Variants in NF1 observed in about 807,000 individuals in gnomAD.
The protein encoded by NF1 is neurofibromin 1, also known as neurofibromin.
NF1 carries 122 observed loss-of-function variants against 325.7 expected under a neutral mutation model. That is an observed-to-expected ratio of 0.37 (90% CI 0.32 to 0.44). The LOEUF (loss-of-function observed/expected upper bound fraction) is 0.44, where lower values mean the gene tolerates loss of function less well. Among genes scored for constraint, NF1 ranks in the 20% least tolerant of loss-of-function variants. The pLI is 1.00. For synonymous variants in NF1, 1,091 were observed against 1,186.0 expected, an observed-to-expected ratio of 0.92 and a Z score of 1.65; for missense variants, 2,140 against 3,415.4, an observed-to-expected ratio of 0.63 and a Z score of 9.31.
chr17:31,137,227 A>G (rs1431490200), intron 1 of NF1: 2 of 152,198 alleles, frequency 1.3e-5, no homozygotes, highest in Admixed American at 1.3e-4. Context: ...GTTGTTGTCT[A>G]ACAGTTCTAA....
chr17:31,156,601 T>A lies in NF1; in HGVS notation c.204+475T>A, dbSNP rs573147536. On this transcript the variant is annotated intron_variant, in intron 2 of 57. Coordinates refer to ENST00000358273, the MANE Select transcript of NF1 (RefSeq NM_001042492.3). ...GTGGATTGATTTTTTTATGAAGATA[T>A]GTGTTTTTTCTTCCTTCTGTAACCT... is the stretch of plus-strand genomic sequence containing the variant. 5.3e-5 allele frequency among the ~76,000 whole-genome samples: 8 copies of A among 152,354 alleles called. 1 individual carries two copies. In the East Asian group the frequency reaches 1.5e-3, roughly 29 times the overall value.
chr17:31,350,218 T>G lies in NF1; in HGVS notation c.7357T>G (p.Cys2453Gly), dbSNP rs1257323685. The G allele has an allele frequency of 6.2e-7, 1 of 1,614,022 alleles. No individual in the cohort carries two copies. The highest frequency in any genetic ancestry group is 2.2e-5 in the East Asian group (1 of 44,856). ...LTVSEEVRSRCSLKHRKSLLL... is the reference protein window; with the variant it reads ...LTVSEEVRSRGSLKHRKSLLL... Reference sequence around the variant, plus strand: ...AGTGTCTGAAGAAGTTCGAAGTCGCTGCAGCCTAAAACATAGAAAGTCACT... The same window carrying G: ...AGTGTCTGAAGAAGTTCGAAGTCGCGGCAGCCTAAAACATAGAAAGTCACT... The change falls in exon 50 of 58, where the codon TGC becomes GGC. Residue 2453 changes from cysteine (C) to glycine (G), a missense_variant. By Grantham distance (159) the Cys-to-Gly change is radical. Coordinates refer to ENST00000358273, the MANE Select transcript of NF1 (RefSeq NM_001042492.3).
At chr17:31,237,847 T>C (rs1793134168) in intron 29 of NF1, among the ~76,000 whole-genome samples, 1 of 152,128 alleles carries the variant, frequency 6.6e-6, no homozygotes. Flanking sequence ...GTGGTCCAGA[T>C]AAGAGAACTA....
rs1555614958 is a variant in NF1 at position 31,232,797 on chromosome 17, C to T, written c.3412C>T (p.Leu1138=). 2 of 1,614,068 alleles carry T rather than the reference C, an allele frequency of 1.2e-6. No homozygotes were observed. Among genetic ancestry groups the T allele is most frequent in the South Asian group, 2.2e-5 (2 of 91,066 alleles). ...GGRKRGMSRR[L]ASLRHCTVLA... The stretch of plus-strand genomic sequence containing the variant: ...CAGGAAACGTGGCATGTCTCGGAGG[C>T]TGGCATCACTGAGGCACTGTACGGT... The change falls in exon 26 of 58, where the codon CTG becomes TTG. Residue 1138 remains leucine, a synonymous_variant. Coordinates refer to ENST00000358273, the MANE Select transcript of NF1 (RefSeq NM_001042492.3).
At chr17:31,346,186 A>G in intron 48 of NF1, 1 of 1,611,532 alleles carries the variant, frequency 6.2e-7, no homozygotes, top group South Asian at 1.1e-5. Context: ...AAAGAAGCAT[A>G]TTGACCCTGC....
chr17:31,103,843 A>G (rs1040863481), intron 1 of NF1, among the ~76,000 whole-genome samples: 1 of 152,052 alleles, frequency 6.6e-6, no homozygotes, highest in African/African-American at 2.4e-5. Flanking sequence ...AAAATCAGCC[A>G]GTGTGCATTG....
At position 31,265,472 on chromosome 17, in the gene NF1, A is replaced by G. The variant is rs575304724; in HGVS notation, c.4835+133A>G. 5.1e-5 allele frequency: 34 copies of G among 667,244 alleles called. No individual in the cohort carries two copies. The African/African-American group carries it at 5.7e-4, about 11-fold the overall frequency. The allele number at this position is 667,244 out of a possible 1,614,324, so 41.3% of individuals were successfully genotyped here. A position where few individuals can be genotyped will look rare whatever the true frequency, so the allele number is the denominator to read the frequency against. ...ACAAGTTTACTTGGGAGCATATAGC[A>G]GGGTAAATAGCCTGCGTTTCCTAAA... On this transcript the variant is annotated intron_variant, in intron 36 of 57. Transcript: ENST00000358273.
At chr17:31,224,179 T>C (rs1466304540) in intron 16 of NF1, among the ~76,000 whole-genome samples, 1 of 152,136 alleles carries the variant, frequency 6.6e-6, no homozygotes, top group Non-Finnish European at 1.5e-5. Flanking sequence ...AGGAGACTTT[T>C]TCATTGGGGT....
chr17:31,304,516 G>A, intron 36 of NF1: 2 of 1,614,178 alleles, frequency 1.2e-6, no homozygotes, highest in South Asian at 1.1e-5. Flanking sequence ...ATTTGGAAGA[G>A]GAGATACAAT....
At chr17:31,134,573 A>G (rs886388905) in intron 1 of NF1, among the ~76,000 whole-genome samples, 1 of 152,212 alleles carries the variant, frequency 6.6e-6, no homozygotes, top group Non-Finnish European at 1.5e-5. Flanking sequence ...TAGTGGCTGA[A>G]CTGAGTGTTT....
At chr17:31,296,373 CA>C in intron 36 of NF1, 1 of 1,612,160 alleles carries the variant, frequency 6.2e-7, no homozygotes, top group East Asian at 2.2e-5. Flanking sequence ...TTTTAATATG[CA>C]AATACAGTTT....
In NF1 at chr17:31,201,442, T is replaced by A; in HGVS notation, c.1217T>A (p.Phe406Tyr). 6.2e-7 allele frequency: 1 copy of A among 1,613,102 alleles called. No individual in the cohort carries two copies. The highest frequency in any genetic ancestry group is 8.5e-7 in the Non-Finnish European group (1 of 1,179,436). The change falls in exon 11 of 58, where the codon TTT becomes TAT. Residue 406 changes from phenylalanine (F) to tyrosine (Y), a missense_variant. Physicochemically the swap from Phe to Tyr is conservative, Grantham distance 22. Transcript: ENST00000358273. ...CTGGCTCAGAATTCACCTTCTACAT[T>A]TCACTATGTGCTGGTAAATTCACTC... ...ICLAQNSPST[F>Y]HYVLVNSLHR...
rs747274278 is a variant in NF1 at position 31,230,859 on chromosome 17, A to G, written c.3131A>G (p.Tyr1044Cys). 1.2e-6 allele frequency: 2 copies of G among 1,607,896 alleles called. No homozygotes were observed. The highest frequency in any genetic ancestry group is 1.1e-5 in the South Asian group (1 of 90,784). Residue 1044 changes from tyrosine to cysteine, a missense_variant, in exon 24 of 58, where the codon TAC (tyrosine) becomes TGC (cysteine). By Grantham distance (194) the Tyr-to-Cys change is radical. This residue lies in a region of NF1 where 380 missense variants were observed against 639.3 expected (regional missense o/e 0.59). Transcript: ENST00000358273. ...TTCTATAGGAATAAGATGGTAGAAT[A>G]CCTGACAGACTGGGTTATGGGAACA... ...EMKFRNKMVE[Y>C]LTDWVMGTSN... is the part of the protein sequence containing the mutation.
At chr17:31,372,949 A>G (rs954465183) in intron 57 of NF1, among the ~76,000 whole-genome samples, 2 of 152,180 alleles carry the variant, frequency 1.3e-5, no homozygotes, top group African/African-American at 2.4e-5. Context: ...CTGGAAGTTC[A>G]AGGTTATAGT....
At chr17:31,108,005 T>A in intron 1 of NF1, among the ~76,000 whole-genome samples, 1 of 151,542 alleles carries the variant, frequency 6.6e-6, no homozygotes, top group East Asian at 1.9e-4. Context: ...TGGTGGTGCA[T>A]GCCTGTAGTC....
At chr17:31,182,761 T>A in intron 8 of NF1, 96 bp downstream of exon 8, 1 of 1,169,608 alleles carries the variant, frequency 8.5e-7, no homozygotes, top group Non-Finnish European at 1.2e-6. Flanking sequence ...TTAAGCAAAG[T>A]ATTTCAGGGA....
intron 36 of NF1, among the ~76,000 whole-genome samples, chr17:31,269,292 C>G (rs556513063): frequency 6.6e-6 from 1 of 152,132 alleles, no homozygotes; most frequent in Non-Finnish European, 1.5e-5. Flanking sequence ...GCCTAATGTA[C>G]TTTTCTAATC....
intron 31 of NF1, among the ~76,000 whole-genome samples, chr17:31,256,155 T>C (rs2151459530): frequency 6.6e-6 from 1 of 152,246 alleles, no homozygotes; most frequent in South Asian, 2.1e-4. Context: ...TATTTATTTA[T>C]TTATTTTGAG....
Position 31,297,809 on chromosome 17 carries a change from G to A in NF1, c.4836-28011G>A, listed in dbSNP as rs150511720. Among the ~76,000 whole-genome samples the A allele has an allele frequency of 1.8e-4, 28 of 152,028 alleles. No individual in the cohort carries two copies. The East Asian group carries it at 2.7e-3, about 15-fold the overall frequency. ...AATTTATCAACCACTTAAGTGTTCC[G>A]TCTTCCCTTTTAGGATGTATAGAAG... On this transcript the variant is annotated intron_variant, in intron 36 of 57. Transcript: ENST00000358273.
Sources: allele counts gnomAD v4.1 joint callset (sites outside exome capture counted in the v4.1 genomes callset), GRCh38; gene constraint gnomAD v4.1.1; regional missense constraint gnomAD v4.1.1; transcripts MANE v1.5; gene names NCBI Gene and HGNC (gene_info 2026-07-23, HGNC 2026-07-21).